Variants in YIPF4 observed in about 807,000 individuals in gnomAD.
YIPF4 encodes the protein Yip1 domain family member 4, also known as protein YIPF4.
Under a neutral mutation model 29.4 loss-of-function variants are expected in YIPF4, and 18 were observed. The ratio of observed to expected loss-of-function variants is 0.61; its 90% CI spans 0.42 to 0.91. The LOEUF is 0.91. Ranked by LOEUF, YIPF4 falls within the 40% of genes least tolerant of loss-of-function variation. The pLI, the probability that YIPF4 is intolerant of heterozygous loss-of-function variation, is 0.00. For missense variants in YIPF4, 279 were observed against 282.7 expected, an observed-to-expected ratio of 0.99 and a Z score of 0.09; for synonymous variants, 115 against 104.7, an observed-to-expected ratio of 1.10 and a Z score of -0.60.
At chr2:32,301,633 A>G in intron 5 of YIPF4, 138 bp downstream of exon 5, 1 of 538,292 alleles carries the variant, frequency 1.9e-6, no homozygotes, top group Non-Finnish European at 3.2e-6. Context: ...TTCCTTACTG[A>G]TTTTGCCAGT....
At chr2:32,293,118 G>A (rs955465509) in intron 3 of YIPF4, among the ~76,000 whole-genome samples, 24 of 148,406 alleles carry the variant, frequency 1.6e-4, no homozygotes, top group African/African-American at 5.7e-4. Flanking sequence ...GGTGTTTCTC[G>A]CAGAGGGGGA....
Position 32,307,025 on chromosome 2 carries a change from TA to T in YIPF4, c.*1401del. 3.1e-6 allele frequency: 3 copies of T among 971,856 alleles called. No individual in the cohort carries two copies. The highest frequency in any genetic ancestry group is 4.1e-6 in the Non-Finnish European group (3 of 724,282). 60.2% of individuals were successfully genotyped at this position (971,856 alleles called of 1,614,324 possible). A position where few individuals can be genotyped will look rare whatever the true frequency, so the allele number is the denominator to read the frequency against. Reference sequence around the variant, plus strand: ...AAAGGAAAGAAAGAAAAACTTATTTTAAGCTGCAGAAAAAGTGTGGAGCACT... The same window carrying T: ...AAAGGAAAGAAAGAAAAACTTATTTTAGCTGCAGAAAAAGTGTGGAGCACT... On this transcript the variant is annotated 3_prime_UTR_variant, in exon 6 of 6. Transcript: ENST00000238831.
intron 3 of YIPF4, among the ~76,000 whole-genome samples, chr2:32,294,532 C>G (rs1213105410): frequency 1.3e-5 from 2 of 151,916 alleles, no homozygotes; most frequent in African/African-American, 4.8e-5. Flanking sequence ...AGGGGCTCCT[C>G]ACTTCCTAGA....
intron 1 of YIPF4, among the ~76,000 whole-genome samples, chr2:32,290,144 G>A (rs2030847352): frequency 6.6e-6 from 1 of 152,116 alleles, no homozygotes; most frequent in Non-Finnish European, 1.5e-5. Flanking sequence ...TAAGAATGAA[G>A]GAATCCAAAA....
At position 32,297,960 on chromosome 2, in the gene YIPF4, A is replaced by G. The variant is rs188137835; in HGVS notation, c.406-274A>G. On this transcript the variant is annotated intron_variant, in intron 3 of 5. Coordinates refer to ENST00000238831, the MANE Select transcript of YIPF4 (RefSeq NM_032312.4). ...GTAAGACAGGGGGTTGATAGTAAAC[A>G]CTTTTTTTTTGCAATAATCTTTTAT... 6.2e-3 allele frequency among the ~76,000 whole-genome samples: 920 copies of G among 148,806 alleles called. 17 individuals are homozygous for G. The highest frequency in any genetic ancestry group is 0.022 in the African/African-American group (892 of 40,852).
Position 32,307,349 on chromosome 2 carries a change from G to T in YIPF4, c.*1723G>T. 5.3e-6 allele frequency: 1 copy of T among 188,640 alleles called. No homozygotes were observed. The highest frequency in any genetic ancestry group is 1.2e-5 in the Non-Finnish European group (1 of 84,144). 11.7% of individuals were successfully genotyped at this position (188,640 alleles called of 1,614,324 possible). On this transcript the variant is annotated 3_prime_UTR_variant, in exon 6 of 6. Transcript: ENST00000238831. ...AGAATTTTACAAGGCAATAAATGAA[G>T]GTATTTTAAGATCACCTCTATTAAA... is the stretch of plus-strand genomic sequence containing the variant.
chr2:32,313,060 A>C lies in YIPF4; in HGVS notation c.*7434A>C, dbSNP rs895223386. On this transcript the variant is annotated 3_prime_UTR_variant, in exon 6 of 6. Coordinates refer to ENST00000238831, the MANE Select transcript of YIPF4 (RefSeq NM_032312.4). Reference sequence around the variant, plus strand: ...AATGAGCTTATTTTGCTGGGGACTCAGCCAATTAATTTCACAAATTGTAAA... The same window carrying C: ...AATGAGCTTATTTTGCTGGGGACTCCGCCAATTAATTTCACAAATTGTAAA... The C allele has an allele frequency of 2.0e-5, 3 of 152,178 alleles. No individual in the cohort carries two copies. The highest frequency in any genetic ancestry group is 2.0e-4 in the Admixed American group (3 of 15,264). The allele number at this position is 152,178 out of a possible 1,614,324, so 9.4% of individuals were successfully genotyped here. A position where few individuals can be genotyped will look rare whatever the true frequency, so the allele number is the denominator to read the frequency against.
rs185378065 is a variant in YIPF4, at chr2:32,289,122, A to T, written c.80-1361A>T. On this transcript the variant is annotated intron_variant, in intron 1 of 5. Transcript: ENST00000238831. ...TAACATGTACAGGGATTATTTTTGA[A>T]CTTTAAGTGGTGAATTCAAATCTGG... Among the ~76,000 whole-genome samples, 116 of 152,308 alleles carry T rather than the reference A, an allele frequency of 7.6e-4. 2 individuals are homozygous for T. The Middle Eastern group carries it at 0.01, about 13-fold the overall frequency.
chr2:32,296,429 C>T (rs1379821439), intron 3 of YIPF4, among the ~76,000 whole-genome samples: 2 of 151,414 alleles, frequency 1.3e-5, no homozygotes, highest in Non-Finnish European at 2.9e-5. Flanking sequence ...CGAGATCACG[C>T]CACTGCACTC....
At chr2:32,287,770 G>A (rs910880384) in intron 1 of YIPF4, among the ~76,000 whole-genome samples, 10 of 152,168 alleles carry the variant, frequency 6.6e-5, no homozygotes, top group Admixed American at 1.3e-4. Context: ...TCTTCACTCT[G>A]AGCCAAAACA....
At chr2:32,295,425 A>C (rs957995925) in intron 3 of YIPF4, among the ~76,000 whole-genome samples, 1 of 152,198 alleles carries the variant, frequency 6.6e-6, no homozygotes, top group African/African-American at 2.4e-5. Flanking sequence ...TGAGTCTTAA[A>C]GGACTAAGAT....
At position 32,309,558 on chromosome 2, in the gene YIPF4, G is replaced by A. The variant is rs1573547620; in HGVS notation, c.*3932G>A. ...TTTGTGATGTAACAAAATGTTGAATGAAATAATGCTTCTACAACTTAAAAT... is the reference window on the plus strand; with the variant it reads ...TTTGTGATGTAACAAAATGTTGAATAAAATAATGCTTCTACAACTTAAAAT... On this transcript the variant is annotated 3_prime_UTR_variant, in exon 6 of 6. Transcript: ENST00000238831. The A allele has an allele frequency of 6.6e-6, 1 of 152,050 alleles. No homozygotes were observed. Among genetic ancestry groups the A allele is most frequent in the South Asian group, 2.1e-4 (1 of 4,810 alleles). 9.4% of individuals were successfully genotyped at this position (152,050 alleles called of 1,614,324 possible). A position where few individuals can be genotyped will look rare whatever the true frequency, so the allele number is the denominator to read the frequency against.
At chr2:32,302,669 T>G (rs1329990783) in intron 5 of YIPF4, among the ~76,000 whole-genome samples, 5 of 152,186 alleles carry the variant, frequency 3.3e-5, no homozygotes, top group Non-Finnish European at 7.3e-5. Context: ...GGGAAATAAA[T>G]GACTGCTTTG....
At position 32,306,650 on chromosome 2, in the gene YIPF4, T is replaced by C; in HGVS notation, c.*1024T>C. 1 of 964,872 alleles carries C rather than the reference T, an allele frequency of 1.0e-6. No individual in the cohort carries two copies. The allele number at this position is 964,872 out of a possible 1,614,324, so 59.8% of individuals were successfully genotyped here. Reference sequence around the variant, plus strand: ...CAGGTACTCTCTAACAAATGTACAGTTTTTGCTAAGGGAAATATTAAGAAA... The same window carrying C: ...CAGGTACTCTCTAACAAATGTACAGCTTTTGCTAAGGGAAATATTAAGAAA... On this transcript the variant is annotated 3_prime_UTR_variant, in exon 6 of 6. Coordinates refer to ENST00000238831, the MANE Select transcript of YIPF4 (RefSeq NM_032312.4).
At position 32,307,088 on chromosome 2, in the gene YIPF4, A is replaced by AT. The variant is rs1194677042; in HGVS notation, c.*1469dup. Reference sequence around the variant, plus strand: ...ATAATGTAGAAAATTACATGTACTGATTTTTTTAAAAACAGGTGAGAAGCA... The same window carrying AT: ...ATAATGTAGAAAATTACATGTACTGATTTTTTTTAAAAACAGGTGAGAAGCA... On this transcript the variant is annotated 3_prime_UTR_variant, in exon 6 of 6. Transcript: ENST00000238831. The AT allele has an allele frequency of 7.8e-6, 10 of 1,289,986 alleles. No homozygotes were observed. Among genetic ancestry groups the AT allele is most frequent in the East Asian group, 5.7e-5 (1 of 17,400 alleles). 79.9% of individuals were successfully genotyped at this position (1,289,986 alleles called of 1,614,324 possible).
At chr2:32,300,093 C>T (rs1268165135) in intron 4 of YIPF4, among the ~76,000 whole-genome samples, 2 of 151,760 alleles carry the variant, frequency 1.3e-5, no homozygotes, top group Admixed American at 6.6e-5. Context: ...ATGGAGAAAC[C>T]CCATCCCTAC....
chr2:32,290,625 C>G lies in YIPF4; in HGVS notation c.222C>G (p.Asn74Lys), dbSNP rs115575403. The change falls in exon 2 of 6, where the codon AAC becomes AAG. Residue 74 changes from asparagine (N) to lysine (K), a missense_variant. Physicochemically the swap from Asn to Lys is moderately conservative, Grantham distance 94 (BLOSUM62 0). Coordinates refer to ENST00000238831, the MANE Select transcript of YIPF4 (RefSeq NM_032312.4). ...LEVEDDDPED[N>K]KPLLEELDID... ...TTGAAGATGATGATCCTGAAGATAA[C>G]AAGCCACTCTTGTATGTAAAAATAA... 1.3e-6 allele frequency: 2 copies of G among 1,518,610 alleles called. No individual in the cohort carries two copies. Among genetic ancestry groups the G allele is most frequent in the Non-Finnish European group, 8.8e-7 (1 of 1,136,814 alleles). The allele number at this position is 1,518,610 out of a possible 1,614,324, so 94.1% of individuals were successfully genotyped here. A position where few individuals can be genotyped will look rare whatever the true frequency, so the allele number is the denominator to read the frequency against.
chr2:32,286,489 A>C (rs1321045523), intron 1 of YIPF4, among the ~76,000 whole-genome samples: 1 of 152,196 alleles, frequency 6.6e-6, no homozygotes, highest in Non-Finnish European at 1.5e-5. Flanking sequence ...AAAACCATAA[A>C]CCAGAACAAC....
At chr2:32,287,648 AC>A (rs1343707420) in intron 1 of YIPF4, among the ~76,000 whole-genome samples, 29 of 152,148 alleles carry the variant, frequency 1.9e-4, no homozygotes, top group Non-Finnish European at 2.8e-4. Flanking sequence ...CAGAGAAAGG[AC>A]CCCATACCCA....
Sources: gnomAD v4.1 joint callset for allele counts (sites outside exome capture counted in the v4.1 genomes callset) on GRCh38, gnomAD v4.1.1 for gene constraint, MANE v1.5 for transcripts, NCBI Gene and HGNC (gene_info 2026-07-23, HGNC 2026-07-21) for gene names.